CTNNBIP1: variants seen among roughly 807,000 people sequenced by gnomAD.
CTNNBIP1 encodes the protein beta-catenin-interacting protein 1.
In CTNNBIP1, 7 loss-of-function variants were observed where a neutral mutation model predicts 11.8. The ratio of observed to expected loss-of-function variants is 0.60; its 90% CI spans 0.34 to 1.12. The LOEUF (loss-of-function observed/expected upper bound fraction) is 1.12, where lower values mean the gene tolerates loss of function less well. Ranked by LOEUF, CTNNBIP1 falls within the 50% of genes most tolerant of loss-of-function variation. The pLI is 0.03. For missense variants in CTNNBIP1, 101 were observed against 113.4 expected (o/e 0.89, Z 0.50); for synonymous variants, 58 against 43.9 (o/e 1.32, Z -1.26).
chr1:9,899,616 G>A (rs967213671), intron 1 of CTNNBIP1, among the ~76,000 whole-genome samples: 31 of 151,354 alleles, frequency 2.0e-4, no homozygotes, highest in African/African-American at 6.8e-4. Flanking sequence ...AAAATTAGCC[G>A]GGCATGGTGA....
At chr1:9,899,510 C>T (rs1464940730) in intron 1 of CTNNBIP1, among the ~76,000 whole-genome samples, 1 of 149,794 alleles carries the variant, frequency 6.7e-6, no homozygotes. Context: ...CCTGTAATCC[C>T]AGCACTTTGG....
Position 9,848,912 on chromosome 1 carries a change from C to G in CTNNBIP1, c.*1806G>C, listed in dbSNP as rs1352556520. 1 of 152,248 alleles carries G rather than the reference C, an allele frequency of 6.6e-6. No homozygotes were observed. Among genetic ancestry groups the G allele is most frequent in the African/African-American group, 2.4e-5 (1 of 41,460 alleles). 9.4% of individuals were successfully genotyped at this position (152,248 alleles called of 1,614,324 possible). A position where few individuals can be genotyped will look rare whatever the true frequency, so the allele number is the denominator to read the frequency against. ...ACCCACCATGGGGCTCTCCAGGGCT[C>G]GGTCATTTGGCTCCTGTGCACTTCA... On this transcript the variant is annotated 3_prime_UTR_variant, in exon 6 of 6. Transcript: ENST00000377263. This position sits in a 1 kb window ranked among gnomAD's most constrained non-coding sequence, Gnocchi z 4.3.
At chr1:9,865,135 A>G (rs149578754) in intron 5 of CTNNBIP1, among the ~76,000 whole-genome samples, 2,534 of 152,214 alleles carry the variant, frequency 0.017, 61 homozygotes, top group African/African-American at 0.057. Flanking sequence ...AGGCTAAGGC[A>G]AGAGAATTGC....
intron 1 of CTNNBIP1, among the ~76,000 whole-genome samples, chr1:9,895,151 C>T (rs1031113553): frequency 3.3e-5 from 5 of 152,018 alleles, no homozygotes; most frequent in African/African-American, 4.8e-5. Context: ...TCATGATACG[C>T]CCGCCTCGGC....
In CTNNBIP1 at chr1:9,867,677, C is replaced by T. The variant is rs565525476; in HGVS notation, c.187+3510G>A. The stretch of plus-strand genomic sequence containing the variant: ...CGCCACCTAGTGGGCAGGAGGTGCA[C>T]GCCAGGCCATTACCCACAGGCTCCA... On this transcript the variant is annotated intron_variant, in intron 5 of 5. Transcript: ENST00000377263. This position sits in a 1 kb window ranked among gnomAD's most constrained non-coding sequence, Gnocchi z 4.6. Among the ~76,000 whole-genome samples the T allele has an allele frequency of 6.6e-6, 1 of 152,152 alleles. No homozygotes were observed. The highest frequency in any genetic ancestry group is 1.5e-5 in the Non-Finnish European group (1 of 68,014).
intron 1 of CTNNBIP1, among the ~76,000 whole-genome samples, chr1:9,892,450 G>A (rs935234564): frequency 6.6e-6 from 1 of 151,386 alleles, no homozygotes; most frequent in African/African-American, 2.4e-5. Flanking sequence ...GATTAGCTGG[G>A]TGTGCAGTGG....
At chr1:9,889,032 T>C (rs953366921) in intron 1 of CTNNBIP1, among the ~76,000 whole-genome samples, 1 of 152,198 alleles carries the variant, frequency 6.6e-6, no homozygotes, top group South Asian at 2.1e-4. Flanking sequence ...CTGGAACCAC[T>C]GGGGCATCCT....
rs1638892710 is a variant in CTNNBIP1, at chr1:9,872,823, G to C, written c.-24-735C>G. On this transcript the variant is annotated intron_variant, in intron 3 of 5. Coordinates refer to ENST00000377263, the MANE Select transcript of CTNNBIP1 (RefSeq NM_020248.3). This position sits in a 1 kb window ranked among gnomAD's most constrained non-coding sequence, Gnocchi z 4.0. ...AGAAAGTCCCCAGGAGAGAAGTCCAGAGCCCCCTCCCTCCAGGAGGAGCTG... is the reference window on the plus strand; with the variant it reads ...AGAAAGTCCCCAGGAGAGAAGTCCACAGCCCCCTCCCTCCAGGAGGAGCTG... 6.6e-6 allele frequency among the ~76,000 whole-genome samples: 1 copy of C among 152,210 alleles called. No homozygotes were observed. The highest frequency in any genetic ancestry group is 1.9e-4 in the East Asian group (1 of 5,196).
At chr1:9,860,826 G>A (rs1179509120) in intron 5 of CTNNBIP1, among the ~76,000 whole-genome samples, 2 of 152,060 alleles carry the variant, frequency 1.3e-5, no homozygotes, top group African/African-American at 2.4e-5. Context: ...GAACTCCTCA[G>A]GAGCCTTACT....
intron 5 of CTNNBIP1, among the ~76,000 whole-genome samples, chr1:9,863,716 C>T (rs1351952934): frequency 2.6e-5 from 4 of 152,156 alleles, no homozygotes; most frequent in Admixed American, 6.5e-5. Context: ...AGCTCCAGGG[C>T]ACATGCTGAC....
intron 5 of CTNNBIP1, among the ~76,000 whole-genome samples, chr1:9,862,940 C>A (rs1638663499): frequency 6.6e-6 from 1 of 152,232 alleles, no homozygotes. Context: ...ACAGGGCCTG[C>A]CTCTTACCAG....
chr1:9,892,737 C>T (rs980984374), intron 1 of CTNNBIP1, among the ~76,000 whole-genome samples: 6 of 152,164 alleles, frequency 3.9e-5, no homozygotes, highest in Non-Finnish European at 1.5e-5. Context: ...GGCCAGGGTT[C>T]CTGGCTCCAC....
intron 3 of CTNNBIP1, among the ~76,000 whole-genome samples, chr1:9,874,226 G>A (rs2101486852): frequency 6.6e-6 from 1 of 152,262 alleles, no homozygotes; most frequent in East Asian, 1.9e-4. Flanking sequence ...GCCAGGAACT[G>A]GCTTCTTTCC....
Position 9,871,107 on chromosome 1 carries a change from A to T in CTNNBIP1, c.187+80T>A. 1 of 1,062,350 alleles carries T rather than the reference A, an allele frequency of 9.4e-7. No individual in the cohort carries two copies. The highest frequency in any genetic ancestry group is 1.4e-6 in the Non-Finnish European group (1 of 723,250). The allele number at this position is 1,062,350 out of a possible 1,614,324, so 65.8% of individuals were successfully genotyped here. A position where few individuals can be genotyped will look rare whatever the true frequency, so the allele number is the denominator to read the frequency against. ...TGGATCACCCATCAAAGAGGGCTGG[A>T]GCTACGCTTTCTAAGGGAACCACAA... On this transcript the variant is annotated intron_variant, in intron 5 of 5. Coordinates refer to ENST00000377263, the MANE Select transcript of CTNNBIP1 (RefSeq NM_020248.3). The surrounding 1 kb of genome is among the most constrained non-coding windows in gnomAD (Gnocchi z 5.2).
intron 3 of CTNNBIP1, among the ~76,000 whole-genome samples, chr1:9,874,794 T>C (rs1422072451): frequency 1.3e-5 from 2 of 152,242 alleles, no homozygotes; most frequent in Non-Finnish European, 2.9e-5. Context: ...TGTCATTGTG[T>C]TAAGAGACCA....
At chr1:9,862,250 A>G (rs1638647345) in intron 5 of CTNNBIP1, among the ~76,000 whole-genome samples, 1 of 152,046 alleles carries the variant, frequency 6.6e-6, no homozygotes, top group Non-Finnish European at 1.5e-5. Flanking sequence ...TTTTTCTTTT[A>G]TATACACACC....
At chr1:9,896,502 T>C (rs769459681) in intron 1 of CTNNBIP1, among the ~76,000 whole-genome samples, 7 of 149,470 alleles carry the variant, frequency 4.7e-5, no homozygotes, top group Non-Finnish European at 8.9e-5. Flanking sequence ...AGTTCGAGAG[T>C]AGCCTGGCCA....
At chr1:9,857,737 G>A (rs988969171) in intron 5 of CTNNBIP1, among the ~76,000 whole-genome samples, 2 of 152,128 alleles carry the variant, frequency 1.3e-5, no homozygotes, top group South Asian at 2.1e-4. Flanking sequence ...GGAGGTGGAG[G>A]CTGCAGTGAG....
intron 1 of CTNNBIP1, among the ~76,000 whole-genome samples, chr1:9,907,934 T>C (rs1358573119): frequency 6.6e-6 from 1 of 152,236 alleles, no homozygotes; most frequent in African/African-American, 2.4e-5. Flanking sequence ...GAACAATCTT[T>C]TGGAACAAAT....
Sources: gnomAD v4.1 joint callset for allele counts (sites outside exome capture counted in the v4.1 genomes callset) on GRCh38, gnomAD v4.1.1 for gene constraint, Gnocchi (gnomAD v3.1) non-coding constraint, MANE v1.5 for transcripts, NCBI Gene and HGNC (gene_info 2026-07-23, HGNC 2026-07-21) for gene names.